Variants in DMRT1 observed in about 807,000 individuals in gnomAD.
DMRT1 encodes doublesex and mab-3 related transcription factor 1, also known as doublesex- and mab-3-related transcription factor 1.
Under a neutral mutation model 32.3 loss-of-function variants are expected in DMRT1, and 7 were observed. That is an observed-to-expected ratio of 0.22 (90% confidence interval 0.12 to 0.41). The LOEUF is 0.41. DMRT1 is among the 10% of genes least tolerant of loss of function. DMRT1 has a pLI of 1.00. For missense variants in DMRT1, 625 were observed against 500.5 expected, an observed-to-expected ratio of 1.25 and a Z score of -2.37; for synonymous variants, 278 against 206.1, an observed-to-expected ratio of 1.35 and a Z score of -2.99.
In DMRT1 at chr9:910,123, G is replaced by C. The variant is rs189792211; in HGVS notation, c.823-6640G>C. Among the ~76,000 whole-genome samples, 295 of 152,128 alleles carry C rather than the reference G, an allele frequency of 1.9e-3. 1 individual carries two copies. The highest frequency in any genetic ancestry group is 6.6e-3 in the African/African-American group (273 of 41,476). Reference sequence around the variant, plus strand: ...CCTTTCTGCAAATGAGCATTACTTAGAGCCTCCAGTGAAGCTGAATGAAGC... The same window carrying C: ...CCTTTCTGCAAATGAGCATTACTTACAGCCTCCAGTGAAGCTGAATGAAGC... On this transcript the variant is annotated intron_variant, in intron 3 of 4. Coordinates refer to ENST00000382276, the MANE Select transcript of DMRT1 (RefSeq NM_021951.3).
intron 4 of DMRT1, among the ~76,000 whole-genome samples, chr9:927,448 T>C (rs1417112284): frequency 6.6e-6 from 1 of 152,232 alleles, no homozygotes; most frequent in East Asian, 1.9e-4. Context: ...CAGATTGCGA[T>C]GTGACATTAC....
intron 2 of DMRT1, among the ~76,000 whole-genome samples, chr9:891,282 A>C (rs1167226732): frequency 6.6e-6 from 1 of 151,630 alleles, no homozygotes; most frequent in East Asian, 2.0e-4. Context: ...CCCCGTCTCT[A>C]CTTAAAAAAA....
intron 2 of DMRT1, among the ~76,000 whole-genome samples, chr9:867,784 A>G (rs1816058270): frequency 6.6e-6 from 1 of 152,152 alleles, no homozygotes; most frequent in African/African-American, 2.4e-5. Flanking sequence ...GTACAAGGGT[A>G]AGTAAAATAG....
chr9:910,657 C>T (rs1339160123), intron 3 of DMRT1, among the ~76,000 whole-genome samples: 1 of 151,610 alleles, frequency 6.6e-6, no homozygotes, highest in Admixed American at 6.6e-5. Flanking sequence ...ATATTCTTAA[C>T]AATTTAATAG....
intron 3 of DMRT1, among the ~76,000 whole-genome samples, chr9:901,650 G>C (rs1202811190): frequency 1.3e-5 from 2 of 151,526 alleles, no homozygotes; most frequent in Non-Finnish European, 2.9e-5. Context: ...TTAAGACATA[G>C]TAGGAGACTT....
At chr9:893,168 G>C (rs1258829389) in intron 2 of DMRT1, among the ~76,000 whole-genome samples, 1 of 152,194 alleles carries the variant, frequency 6.6e-6, no homozygotes, top group Non-Finnish European at 1.5e-5. Context: ...ACCCGGACTG[G>C]CTCTTAGAAC....
intron 4 of DMRT1, among the ~76,000 whole-genome samples, chr9:932,273 A>C (rs1818750173): frequency 6.6e-6 from 1 of 152,166 alleles, no homozygotes; most frequent in Non-Finnish European, 1.5e-5. Context: ...TTTAACTCTG[A>C]TGTACTGCTA....
intron 3 of DMRT1, among the ~76,000 whole-genome samples, chr9:899,944 C>T (rs1398374086): frequency 4.6e-5 from 7 of 152,304 alleles, no homozygotes; most frequent in South Asian, 2.1e-4. Context: ...GCAGTTATTT[C>T]GTTCTTTCTG....
chr9:862,860 C>T (rs1055581654), intron 2 of DMRT1, among the ~76,000 whole-genome samples: 1 of 152,042 alleles, frequency 6.6e-6, no homozygotes, highest in Admixed American at 6.6e-5. Flanking sequence ...TGAATAACGG[C>T]CTCCCAAAAG....
At chr9:960,033 C>T (rs1477500908) in intron 4 of DMRT1, among the ~76,000 whole-genome samples, 2 of 152,184 alleles carry the variant, frequency 1.3e-5, no homozygotes, top group African/African-American at 4.8e-5. Flanking sequence ...TCCATTTACC[C>T]GAGGTTTGTC....
chr9:885,895 T>A (rs1461137387), intron 2 of DMRT1, among the ~76,000 whole-genome samples: 1 of 152,232 alleles, frequency 6.6e-6, no homozygotes. Flanking sequence ...CACATTCTCT[T>A]GGAAAGAGTG....
In DMRT1 at chr9:965,123, C is replaced by A. The variant is rs982392230; in HGVS notation, c.968-2862C>A. ...GGAAAAGGTACCTCTGAGGGACGATCTTTAAGGATGGTAGTAAAAGTGATT... is the reference window on the plus strand; with the variant it reads ...GGAAAAGGTACCTCTGAGGGACGATATTTAAGGATGGTAGTAAAAGTGATT... On this transcript the variant is annotated intron_variant, in intron 4 of 4. Coordinates refer to ENST00000382276, the MANE Select transcript of DMRT1 (RefSeq NM_021951.3). This position sits in a 1 kb window ranked among gnomAD's most constrained non-coding sequence, Gnocchi z 4.5. 2.0e-5 allele frequency among the ~76,000 whole-genome samples: 3 copies of A among 152,180 alleles called. No individual in the cohort carries two copies. Among genetic ancestry groups the A allele is most frequent in the Non-Finnish European group, 4.4e-5 (3 of 68,040 alleles).
chr9:936,460 G>C (rs574281679), intron 4 of DMRT1, among the ~76,000 whole-genome samples: 1 of 152,086 alleles, frequency 6.6e-6, no homozygotes, highest in African/African-American at 2.4e-5. Flanking sequence ...TATTAATAAT[G>C]TCTTCTTCAG....
At chr9:956,267 G>C (rs1423588802) in intron 4 of DMRT1, among the ~76,000 whole-genome samples, 2 of 152,194 alleles carry the variant, frequency 1.3e-5, no homozygotes, top group Non-Finnish European at 2.9e-5. Flanking sequence ...CAGGAGTTGA[G>C]GGGAGAAGAG....
chr9:871,499 A>ATT (rs56390211), intron 2 of DMRT1, among the ~76,000 whole-genome samples: 5 of 115,076 alleles, frequency 4.3e-5, no homozygotes, highest in African/African-American at 1.7e-4. Flanking sequence ...CGCCCGGCTA[A>ATT]TTTTTTTTTT....
intron 2 of DMRT1, among the ~76,000 whole-genome samples, chr9:849,336 A>C (rs1237199396): frequency 6.6e-6 from 1 of 152,210 alleles, no homozygotes; most frequent in East Asian, 1.9e-4. Flanking sequence ...GCTGATGGAC[A>C]GTTAGCAACA....
At chr9:885,584 C>T (rs1429073969) in intron 2 of DMRT1, among the ~76,000 whole-genome samples, 1 of 152,216 alleles carries the variant, frequency 6.6e-6, no homozygotes, top group African/African-American at 2.4e-5. Context: ...TTGCCTTCTT[C>T]CACCAATCTA....
chr9:939,323 A>G (rs1165175790), intron 4 of DMRT1, among the ~76,000 whole-genome samples: 2 of 152,228 alleles, frequency 1.3e-5, no homozygotes, highest in Non-Finnish European at 2.9e-5. Context: ...AAATTGCACC[A>G]TATGCTGGGA....
intron 2 of DMRT1, among the ~76,000 whole-genome samples, chr9:850,506 T>C (rs927250791): frequency 1.3e-5 from 2 of 152,220 alleles, no homozygotes; most frequent in African/African-American, 2.4e-5. Flanking sequence ...TACAAAAATA[T>C]ATTCCATGAA....
Sources: gnomAD v4.1 joint callset for allele counts (sites outside exome capture counted in the v4.1 genomes callset) on GRCh38, gnomAD v4.1.1 for gene constraint, Gnocchi (gnomAD v3.1) non-coding constraint, MANE v1.5 for transcripts, NCBI Gene and HGNC (gene_info 2026-07-23, HGNC 2026-07-21) for gene names.